Variants in AKAP7 observed in about 807,000 individuals in gnomAD.
The protein encoded by AKAP7 is A-kinase anchoring protein 7.
In AKAP7, 39 loss-of-function variants were observed where a neutral mutation model predicts 39.5. The ratio of observed to expected loss-of-function variants is 0.99; its 90% CI spans 0.76 to 1.29. The LOEUF is 1.29. AKAP7 is among the 50% of genes most tolerant of loss of function. AKAP7 has a pLI of 0.00. For missense variants in AKAP7, 414 were observed against 407.7 expected (o/e 1.02, Z -0.13); for synonymous variants, 140 against 139.1 (o/e 1.01, Z -0.05).
At chr6:131,270,427 A>C (rs952611172) in intron 7 of AKAP7, among the ~76,000 whole-genome samples, 1 of 152,144 alleles carries the variant, frequency 6.6e-6, no homozygotes, top group Non-Finnish European at 1.5e-5. Flanking sequence ...GTACTAATCC[A>C]TTGCATGGAT....
At chr6:131,256,812 T>TGCACCCAG (rs1345647155) in intron 7 of AKAP7, among the ~76,000 whole-genome samples, 1 of 152,004 alleles carries the variant, frequency 6.6e-6, no homozygotes, top group African/African-American at 2.4e-5. Flanking sequence ...AGTATTGGGA[T>TGCACCCAG]TATAGATGTG....
the AKAP7 span, among the ~76,000 whole-genome samples, chr6:131,128,140 C>T: frequency 6.6e-6 from 1 of 151,986 alleles, no homozygotes; most frequent in Non-Finnish European, 1.5e-5. Flanking sequence ...ATATAAAAAC[C>T]TGCACATGTA....
intron 1 of AKAP7, among the ~76,000 whole-genome samples, chr6:131,140,288 C>T (rs1800919817): frequency 1.3e-5 from 2 of 151,820 alleles, no homozygotes; most frequent in African/African-American, 4.8e-5. Flanking sequence ...TAAAGCTCTG[C>T]AGGTGATTCT....
intron 7 of AKAP7, chr6:131,250,718 G>A: frequency 1.7e-6 from 2 of 1,170,254 alleles, no homozygotes; most frequent in South Asian, 2.6e-5. Context: ...AAGGATAGCA[G>A]ACTAATCAGC....
At chr6:131,223,864 A>G (rs577429771) in intron 7 of AKAP7, among the ~76,000 whole-genome samples, 66 of 152,204 alleles carry the variant, frequency 4.3e-4, no homozygotes, top group Middle Eastern at 3.4e-3. Context: ...TATTCAGCCT[A>G]CCACCCCCCA....
At chr6:131,171,006 A>G (rs1803993091) in intron 5 of AKAP7, among the ~76,000 whole-genome samples, 1 of 152,220 alleles carries the variant, frequency 6.6e-6, no homozygotes, top group Non-Finnish European at 1.5e-5. Context: ...TTAGTGACAC[A>G]GCCGCATTCA....
chr6:131,139,540 T>G (rs1238350108), intron 1 of AKAP7, among the ~76,000 whole-genome samples: 2 of 152,250 alleles, frequency 1.3e-5, no homozygotes, highest in Non-Finnish European at 2.9e-5. Context: ...ATCTGTGTTG[T>G]GCTGAGGCTG....
chr6:131,206,601 A>T (rs573075539), intron 6 of AKAP7, among the ~76,000 whole-genome samples: 2 of 152,294 alleles, frequency 1.3e-5, no homozygotes, highest in East Asian at 3.9e-4. Flanking sequence ...TTGTTTGGTG[A>T]TTGAATATAC....
chr6:131,199,311 C>T, intron 5 of AKAP7, 150 bp from the exon 6 acceptor site: 1 of 585,780 alleles, frequency 1.7e-6, no homozygotes, highest in African/African-American at 1.9e-5. Flanking sequence ...GATTTTTTCT[C>T]TCTTTTAAAG....
chr6:131,216,085 TAAG>T (rs1809146736), intron 6 of AKAP7, among the ~76,000 whole-genome samples: 1 of 152,242 alleles, frequency 6.6e-6, no homozygotes, highest in African/African-American at 2.4e-5. Flanking sequence ...CAAGTAACAA[TAAG>T]AAGTTATCTT....
chr6:131,272,410 G>A (rs974604063), intron 7 of AKAP7, among the ~76,000 whole-genome samples: 7 of 151,780 alleles, frequency 4.6e-5, no homozygotes, highest in African/African-American at 1.7e-4. Context: ...TGCTTAATTT[G>A]GGGTTAATTG....
At chr6:131,201,253 C>A (rs1183204444) in intron 6 of AKAP7, among the ~76,000 whole-genome samples, 1 of 152,110 alleles carries the variant, frequency 6.6e-6, no homozygotes, top group Non-Finnish European at 1.5e-5. Flanking sequence ...GTGTAAGGAG[C>A]TCCCTGTTCC....
chr6:131,130,449 G>A, the AKAP7 span, among the ~76,000 whole-genome samples: 140,938 of 152,278 alleles, frequency 0.93, 65,373 homozygotes, highest in East Asian at 0.99. Flanking sequence ...GGCATGTGCC[G>A]CCACGCCTGG....
intron 5 of AKAP7, among the ~76,000 whole-genome samples, chr6:131,170,514 C>A (rs1472473462): frequency 4.6e-5 from 7 of 152,102 alleles, no homozygotes. Context: ...GTGTTTACTT[C>A]CTTTTATTTT....
chr6:131,188,559 A>C (rs1806097234), intron 5 of AKAP7, among the ~76,000 whole-genome samples: 1 of 152,076 alleles, frequency 6.6e-6, no homozygotes, highest in Non-Finnish European at 1.5e-5. Flanking sequence ...GTTTTTTAAG[A>C]CCGTGTATCA....
intron 6 of AKAP7, among the ~76,000 whole-genome samples, chr6:131,204,345 T>TCTTCA (rs1807889854): frequency 1.3e-5 from 2 of 152,118 alleles, no homozygotes; most frequent in African/African-American, 4.8e-5. Flanking sequence ...GCTACTGAAG[T>TCTTCA]AGATATAAGG....
At chr6:131,179,075 G>T (rs1413490467) in intron 5 of AKAP7, among the ~76,000 whole-genome samples, 1 of 152,166 alleles carries the variant, frequency 6.6e-6, no homozygotes, top group African/African-American at 2.4e-5. Context: ...ACTGTGAGTA[G>T]AGTATTTTTA....
chr6:131,253,219 GT>G (rs1162234104), intron 7 of AKAP7: 3 of 982,192 alleles, frequency 3.1e-6, no homozygotes, highest in Non-Finnish European at 4.5e-6. Flanking sequence ...TAGTGCTACT[GT>G]TTTAGTCTAT....
chr6:131,192,417 TG>T (rs1468864612), intron 5 of AKAP7, among the ~76,000 whole-genome samples: 1 of 152,212 alleles, frequency 6.6e-6, no homozygotes, highest in African/African-American at 2.4e-5. Flanking sequence ...GATTTGTTTC[TG>T]GGTTCTCTAT....
Sources: gnomAD v4.1 joint callset for allele counts (sites outside exome capture counted in the v4.1 genomes callset) on GRCh38, gnomAD v4.1.1 for gene constraint, MANE v1.5 for transcripts, NCBI Gene and HGNC (gene_info 2026-07-23, HGNC 2026-07-21) for gene names.